Variants in ZPBP2 observed in about 807,000 individuals in gnomAD.
The protein encoded by ZPBP2 is zona pellucida binding protein 2, also known as zona pellucida-binding protein 2.
In ZPBP2, 34 loss-of-function variants were observed where a neutral mutation model predicts 37.5. That is an observed-to-expected ratio of 0.91 (90% CI 0.69 to 1.21). The LOEUF (loss-of-function observed/expected upper bound fraction) is 1.21, where lower values mean the gene tolerates loss of function less well. ZPBP2 is among the 50% of genes most tolerant of loss of function. The pLI is 0.00. For synonymous variants in ZPBP2, 143 were observed against 138.4 expected (o/e 1.03, Z -0.23); for missense variants, 397 against 413.5 (o/e 0.96, Z 0.35).
intron 3 of ZPBP2, 139 bp downstream of exon 3, chr17:39,870,958 A>G: frequency 1.2e-6 from 1 of 816,090 alleles, no homozygotes; most frequent in South Asian, 3.8e-5. Flanking sequence ...AAATCATGTT[A>G]TATTTTGGCC....
intron 6 of ZPBP2, 112 bp downstream of exon 6, chr17:39,873,238 T>C (rs2063373827): frequency 1.2e-6 from 1 of 804,972 alleles, no homozygotes; most frequent in Non-Finnish European, 1.9e-6. Flanking sequence ...AGCCTCAAAC[T>C]CCTGGGCTCA....
At chr17:39,875,173 C>T (rs1217428689) in intron 6 of ZPBP2, 81 bp from the exon 7 acceptor site, 4 of 1,280,472 alleles carry the variant, frequency 3.1e-6, no homozygotes, top group African/African-American at 3.0e-5. Context: ...GCTTACAGTA[C>T]ATTATTGCCT....
At chr17:39,873,777 G>T (rs2063376076) in intron 6 of ZPBP2, among the ~76,000 whole-genome samples, 1 of 151,922 alleles carries the variant, frequency 6.6e-6, no homozygotes, top group Non-Finnish European at 1.5e-5. Flanking sequence ...CATACTAGTT[G>T]CTCTCCCCTC....
chr17:39,872,858 C>T (rs1177691857), intron 5 of ZPBP2, among the ~76,000 whole-genome samples, 186 bp from the exon 6 acceptor site: 1 of 152,066 alleles, frequency 6.6e-6, no homozygotes, highest in Admixed American at 6.5e-5. Flanking sequence ...TTACATTAGC[C>T]CCCAGATGCA....
chr17:39,871,710 C>A, intron 4 of ZPBP2, 85 bp downstream of exon 4: 1 of 1,153,944 alleles, frequency 8.7e-7, no homozygotes, highest in Non-Finnish European at 1.2e-6. Context: ...GAAAATGAGT[C>A]TGTAATAGGT....
In ZPBP2 at chr17:39,876,963, G is replaced by C; in HGVS notation, c.*154G>C. ...AAACTTTAAAATAAATGGTTAACAT[G>C]GCATTTCTAAGAAGGCATTTAATCC... On this transcript the variant is annotated 3_prime_UTR_variant, in exon 8 of 8. Coordinates refer to ENST00000348931, the MANE Select transcript of ZPBP2 (RefSeq NM_199321.3). 1.1e-6 allele frequency: 1 copy of C among 892,080 alleles called. No homozygotes were observed. The highest frequency in any genetic ancestry group is 1.7e-6 in the Non-Finnish European group (1 of 598,482). The allele number at this position is 892,080 out of a possible 1,614,324, so 55.3% of individuals were successfully genotyped here. A position where few individuals can be genotyped will look rare whatever the true frequency, so the allele number is the denominator to read the frequency against.
intron 2 of ZPBP2, among the ~76,000 whole-genome samples, chr17:39,869,558 C>G (rs1236780605): frequency 6.7e-6 from 1 of 150,250 alleles, no homozygotes; most frequent in Non-Finnish European, 1.5e-5. Flanking sequence ...GCGTGCGCCA[C>G]CACGCCTGGC....
chr17:39,870,297 C>A (rs192678773), intron 2 of ZPBP2, among the ~76,000 whole-genome samples: 11 of 152,254 alleles, frequency 7.2e-5, no homozygotes, highest in Non-Finnish European at 1.2e-4. Context: ...GCTCCCTCGG[C>A]CTTCCAAAAT....
Position 39,876,888 on chromosome 17 carries a change from C to G in ZPBP2, c.*79C>G. 3.2e-6 allele frequency: 5 copies of G among 1,555,164 alleles called. No homozygotes were observed. The highest frequency in any genetic ancestry group is 4.4e-6 in the Non-Finnish European group (5 of 1,139,238). Reference sequence around the variant, plus strand: ...ACATCCCAGAGCATCATAGATAGTTCCATTAAGTAAAATCAGTAAGACCAA... The same window carrying G: ...ACATCCCAGAGCATCATAGATAGTTGCATTAAGTAAAATCAGTAAGACCAA... On this transcript the variant is annotated 3_prime_UTR_variant, in exon 8 of 8. Coordinates refer to ENST00000348931, the MANE Select transcript of ZPBP2 (RefSeq NM_199321.3).
rs376842673 is a variant in ZPBP2, at chr17:39,868,558, C to T, written c.62C>T (p.Pro21Leu). Residue 21 changes from proline (P) to leucine (L), a missense_variant, in exon 2 of 8, where the codon CCG (proline) becomes CTG (leucine). Pro to Leu is a moderately conservative substitution (Grantham distance 98). Coordinates refer to ENST00000348931, the MANE Select transcript of ZPBP2 (RefSeq NM_199321.3). ...VLWCLTGVQC[P>L]RFTLFNKKGF... is the part of the protein sequence containing the mutation. The stretch of plus-strand genomic sequence containing the variant: ...TTTATTTCCTCCGCAGTCCAATGCC[C>T]GCGTTTTACCTTATTCAATAAGAAG... 1.9e-6 allele frequency: 3 copies of T among 1,614,060 alleles called. No homozygotes were observed. Among genetic ancestry groups the T allele is most frequent in the South Asian group, 2.2e-5 (2 of 91,086 alleles).
intron 6 of ZPBP2, among the ~76,000 whole-genome samples, chr17:39,874,181 C>T (rs561588756): frequency 4.6e-5 from 7 of 151,894 alleles, no homozygotes; most frequent in East Asian, 1.9e-4. Flanking sequence ...TTATCAGAGA[C>T]GGGGTTTCAC....
rs1398293188 is a variant in ZPBP2, at chr17:39,872,293, T to A, written c.430T>A (p.Tyr144Asn). 2 of 1,607,518 alleles carry A rather than the reference T, an allele frequency of 1.2e-6. No homozygotes were observed. ...AGCCTATCGGGAACCTGATTATTCA[T>A]ATCAGATGGCTGTACGTTTTACCAC... ...VFAYREPDYS[Y>N]QMAVRFTTRS... is the part of the protein sequence containing the mutation. Residue 144 changes from tyrosine (Y) to asparagine (N), a missense_variant, in exon 5 of 8, where the codon TAT becomes AAT. Transcript: ENST00000348931.
chr17:39,875,794 T>C (rs1182597029), intron 7 of ZPBP2, among the ~76,000 whole-genome samples: 1 of 151,192 alleles, frequency 6.6e-6, no homozygotes, highest in Non-Finnish European at 1.5e-5. Flanking sequence ...GCCAGGCTGG[T>C]CTCGACTGAA....
At chr17:39,875,593 ATTTT>A (rs71152615) in intron 7 of ZPBP2, among the ~76,000 whole-genome samples, 159 bp downstream of exon 7, 4 of 146,110 alleles carry the variant, frequency 2.7e-5, no homozygotes, top group East Asian at 2.0e-4. Flanking sequence ...CAAAGCCCCA[ATTTT>A]TTTTTTTTTT....
At chr17:39,871,765 G>T in intron 4 of ZPBP2, 140 bp downstream of exon 4, 1 of 658,990 alleles carries the variant, frequency 1.5e-6, no homozygotes. Context: ...GGATGTATTT[G>T]ACTAAGCAAA....
rs1201448422 is a variant in ZPBP2 at position 39,868,548 on chromosome 17, G to A, written c.53-1G>A. ...AAGTCAGTGTTTTATTTCCTCCGCA[G>A]TCCAATGCCCGCGTTTTACCTTATT... On this transcript the variant is annotated splice_acceptor_variant, in intron 1 of 7. Transcript: ENST00000348931. LOFTEE classifies it high-confidence loss of function. 6.2e-7 allele frequency: 1 copy of A among 1,614,100 alleles called. No individual in the cohort carries two copies. The highest frequency in any genetic ancestry group is 1.7e-5 in the Admixed American group (1 of 60,008).
chr17:39,868,887 T>C (rs1288199195), intron 2 of ZPBP2, among the ~76,000 whole-genome samples: 13 of 152,190 alleles, frequency 8.5e-5, no homozygotes, highest in East Asian at 1.9e-4. Context: ...CAGGTGTCTC[T>C]GCTGCTTTGC....
intron 6 of ZPBP2, among the ~76,000 whole-genome samples, 173 bp downstream of exon 6, chr17:39,873,299 C>T (rs2063374029): frequency 6.6e-6 from 1 of 152,046 alleles, no homozygotes; most frequent in South Asian, 2.1e-4. Context: ...ATCAATAAAG[C>T]TATTTAAAAC....
In ZPBP2 at chr17:39,872,431, CATTCTGTTGAA is replaced by C. The variant is rs1400554282; in HGVS notation, c.573_583del (p.Val192ArgfsTer7). 6.2e-7 allele frequency: 1 copy of C among 1,612,966 alleles called. No individual in the cohort carries two copies. Among genetic ancestry groups the C allele is most frequent in the South Asian group, 1.1e-5 (1 of 90,946 alleles). On this transcript the variant is annotated frameshift_variant, in exon 5 of 8. Coordinates refer to ENST00000348931, the MANE Select transcript of ZPBP2 (RefSeq NM_199321.3). LOFTEE classifies it high-confidence loss of function. ...TGTCATAGAGCCATCATATAAATGC[CATTCTGTTGAA>C]ATTCCAGAACATGGCCTCATACATG...
Sources: allele counts gnomAD v4.1 joint callset (sites outside exome capture counted in the v4.1 genomes callset), GRCh38; gene constraint gnomAD v4.1.1; transcripts MANE v1.5; gene names NCBI Gene and HGNC (gene_info 2026-07-23, HGNC 2026-07-21).